Variants in POU6F2 observed in about 807,000 individuals in gnomAD.
The protein encoded by POU6F2 is POU class 6 homeobox 2.
POU6F2 carries 31 observed loss-of-function variants against 71.3 expected under a neutral mutation model. The ratio of observed to expected loss-of-function variants is 0.43; its 90% CI spans 0.33 to 0.59. POU6F2 has a LOEUF of 0.59. Among genes scored for constraint, POU6F2 ranks in the 20% least tolerant of loss-of-function variants. The pLI is 0.04. For missense variants in POU6F2, 783 were observed against 856.8 expected (o/e 0.91, Z 1.07); for synonymous variants, 347 against 355.7 (o/e 0.98, Z 0.27).
intron 2 of POU6F2, among the ~76,000 whole-genome samples, chr7:39,125,513 A>G (rs1197709911): frequency 6.6e-6 from 1 of 152,120 alleles, no homozygotes; most frequent in African/African-American, 2.4e-5. Flanking sequence ...ATATATTCTC[A>G]GAGTTTCTGT....
At chr7:38,980,502 C>T (rs1463225696) in intron 1 of POU6F2, among the ~76,000 whole-genome samples, 1 of 152,106 alleles carries the variant, frequency 6.6e-6, no homozygotes, top group Non-Finnish European at 1.5e-5. Context: ...CAAATGATTA[C>T]TTCTAACAAT....
At chr7:39,269,270 C>A (rs191635452) in intron 4 of POU6F2, among the ~76,000 whole-genome samples, 35 of 152,268 alleles carry the variant, frequency 2.3e-4, no homozygotes, top group African/African-American at 7.9e-4. Context: ...CACACACAGC[C>A]TTCACCTCAA....
At chr7:39,291,781 T>A (rs532334649) in intron 4 of POU6F2, among the ~76,000 whole-genome samples, 172 of 152,264 alleles carry the variant, frequency 1.1e-3, no homozygotes, top group African/African-American at 3.8e-3. Flanking sequence ...CAATTTTTTT[T>A]AAAGCTATCT....
chr7:39,300,644 C>G (rs1784935076), intron 4 of POU6F2, among the ~76,000 whole-genome samples: 1 of 151,972 alleles, frequency 6.6e-6, no homozygotes, highest in African/African-American at 2.4e-5. Context: ...GAGGAAGCAT[C>G]TGTCCCAGGC....
intron 7 of POU6F2, among the ~76,000 whole-genome samples, chr7:39,442,147 A>C (rs1157539895): frequency 6.6e-6 from 1 of 152,150 alleles, no homozygotes; most frequent in African/African-American, 2.4e-5. Flanking sequence ...AAATCTATTT[A>C]ATGGAAATAT....
At chr7:39,432,429 A>G (rs1018247914) in intron 6 of POU6F2, among the ~76,000 whole-genome samples, 5 of 152,254 alleles carry the variant, frequency 3.3e-5, no homozygotes, top group Non-Finnish European at 5.9e-5. Context: ...TCAAGCCTTC[A>G]GAAAGCTTAG....
chr7:38,991,133 C>T (rs890939178), intron 1 of POU6F2, among the ~76,000 whole-genome samples: 1 of 151,972 alleles, frequency 6.6e-6, no homozygotes, highest in Admixed American at 6.6e-5. Context: ...AAATTATGGG[C>T]TCAAATTATT....
At chr7:39,329,268 ATATAT>A (rs1785585408) in intron 4 of POU6F2, 2 of 148,366 alleles carry the variant, frequency 1.3e-5, no homozygotes, top group Non-Finnish European at 3.0e-5. Flanking sequence ...AAATATAATA[ATATAT>A]TATTATTATA....
chr7:39,170,840 CAT>C (rs1010678824), intron 2 of POU6F2, among the ~76,000 whole-genome samples: 5 of 151,928 alleles, frequency 3.3e-5, no homozygotes, highest in African/African-American at 9.7e-5. Flanking sequence ...CAAAATATCA[CAT>C]GTGGCCGTTC....
At chr7:39,018,698 T>C (rs559220463) in intron 1 of POU6F2, among the ~76,000 whole-genome samples, 2 of 152,206 alleles carry the variant, frequency 1.3e-5, no homozygotes, top group Admixed American at 1.3e-4. Context: ...ATGTTTCCAA[T>C]AATCACTATA....
chr7:39,228,975 G>A (rs190753254), intron 4 of POU6F2, among the ~76,000 whole-genome samples: 1 of 152,066 alleles, frequency 6.6e-6, no homozygotes, highest in South Asian at 2.1e-4. Context: ...GAGCCTCCTG[G>A]CCCCATTTTT....
At chr7:39,032,196 T>C (rs998046864) in intron 1 of POU6F2, among the ~76,000 whole-genome samples, 2 of 152,178 alleles carry the variant, frequency 1.3e-5, no homozygotes, top group African/African-American at 4.8e-5. Flanking sequence ...AAATTTGACC[T>C]TATTTCTTAG....
chr7:38,986,206 A>G (rs1028905562), intron 1 of POU6F2, among the ~76,000 whole-genome samples: 13 of 152,118 alleles, frequency 8.5e-5, no homozygotes, highest in Admixed American at 8.5e-4. Flanking sequence ...TTGGTTGAGA[A>G]TGGAAAAATA....
chr7:39,076,456 AT>A (rs1474441754), intron 1 of POU6F2, among the ~76,000 whole-genome samples: 1 of 152,190 alleles, frequency 6.6e-6, no homozygotes, highest in East Asian at 1.9e-4. Context: ...CGTGGCACGC[AT>A]TTACCTATGT....
chr7:39,158,195 A>T lies in POU6F2; in HGVS notation c.278-46040A>T, dbSNP rs192183382. Among the ~76,000 whole-genome samples, 19 of 152,348 alleles carry T rather than the reference A, an allele frequency of 1.2e-4. 2 individuals carry two copies. In the East Asian group the frequency reaches 3.3e-3, roughly 26 times the overall value. On this transcript the variant is annotated intron_variant, in intron 2 of 9. Transcript: ENST00000518318. The stretch of plus-strand genomic sequence containing the variant: ...AAGCACAAAACATAGTATGTTGCTC[A>T]TAGTACTCAATAATTATTAGTAATT...
chr7:39,447,707 C>G lies in POU6F2; in HGVS notation c.1321-3826C>G, dbSNP rs77687969. ...ATAGAAGCATCTAAGTTTCCCTTTC[C>G]CTCCAGGAAGGAAAGGAAAGAAACT... On this transcript the variant is annotated intron_variant, in intron 7 of 9. Transcript: ENST00000518318. Among the ~76,000 whole-genome samples, 1,351 of 152,244 alleles carry G rather than the reference C, an allele frequency of 8.9e-3. 23 individuals carry two copies. The highest frequency in any genetic ancestry group is 0.031 in the African/African-American group (1,274 of 41,536).
chr7:39,011,344 A>T (rs1272815182), intron 1 of POU6F2, among the ~76,000 whole-genome samples: 1 of 151,230 alleles, frequency 6.6e-6, no homozygotes, highest in African/African-American at 2.4e-5. Context: ...TAGGATTGCA[A>T]CCCCTGCCTT....
intron 4 of POU6F2, among the ~76,000 whole-genome samples, chr7:39,333,497 G>T (rs958567132): frequency 1.3e-5 from 2 of 152,082 alleles, no homozygotes; most frequent in Non-Finnish European, 2.9e-5. Context: ...CCAGCACTTT[G>T]GGAGGCTGAG....
chr7:39,301,036 T>C (rs2128764626), intron 4 of POU6F2, among the ~76,000 whole-genome samples: 1 of 152,330 alleles, frequency 6.6e-6, no homozygotes, highest in African/African-American at 2.4e-5. Flanking sequence ...TAGAGTAACT[T>C]TGCCTTTCTT....
Sources: gnomAD v4.1 joint callset for allele counts (sites outside exome capture counted in the v4.1 genomes callset) on GRCh38, gnomAD v4.1.1 for gene constraint, MANE v1.5 for transcripts, NCBI Gene and HGNC (gene_info 2026-07-23, HGNC 2026-07-21) for gene names.